Variants in MGAT5 observed in about 807,000 individuals in gnomAD.
The protein encoded by MGAT5 is alpha-1,6-mannosylglycoprotein 6-beta-N-acetylglucosaminyltransferase.
In MGAT5, 30 loss-of-function variants were observed where a neutral mutation model predicts 94.3. The ratio of observed to expected loss-of-function variants is 0.32; its 90% CI spans 0.24 to 0.43. The LOEUF (loss-of-function observed/expected upper bound fraction) is 0.43. MGAT5 is among the 20% of genes least tolerant of loss of function. The pLI, the probability that MGAT5 is intolerant of heterozygous loss-of-function variation, is 1.00. For missense variants in MGAT5, 691 were observed against 905.5 expected (o/e 0.76, Z 3.04); for synonymous variants, 310 against 322.9 (o/e 0.96, Z 0.43).
At chr2:134,191,032 C>T (rs1479566243) in intron 1 of MGAT5, among the ~76,000 whole-genome samples, 1 of 152,228 alleles carries the variant, frequency 6.6e-6, no homozygotes, top group Non-Finnish European at 1.5e-5. Context: ...AGCCCATCCC[C>T]CTGCTTTGGA....
At chr2:134,170,747 A>C (rs549571688) in intron 1 of MGAT5, among the ~76,000 whole-genome samples, 7 of 152,250 alleles carry the variant, frequency 4.6e-5, no homozygotes, top group African/African-American at 1.7e-4. Flanking sequence ...GAAACATACT[A>C]TACATGTCTT....
rs138317940 is a variant in MGAT5 at position 134,216,721 on chromosome 2, T to C, written c.-142-37541T>C. ...TGAAGATGAATTTGGTATCAATTTT[T>C]ATGCTGCTACTTTTGCCATTTCTGC... On this transcript the variant is annotated intron_variant, in intron 1 of 16. Transcript: ENST00000409645. Among the ~76,000 whole-genome samples the C allele has an allele frequency of 7.2e-5, 11 of 152,350 alleles. No individual in the cohort carries two copies. In the East Asian group the frequency reaches 2.1e-3, roughly 29 times the overall value.
chr2:134,139,250 G>T (rs1393308365), intron 1 of MGAT5, among the ~76,000 whole-genome samples: 1 of 152,224 alleles, frequency 6.6e-6, no homozygotes, highest in Non-Finnish European at 1.5e-5. Context: ...AAGAAAGACG[G>T]AGTAAGAGTC....
intron 14 of MGAT5, among the ~76,000 whole-genome samples, chr2:134,431,207 A>T (rs1163537561): frequency 6.6e-6 from 1 of 152,140 alleles, no homozygotes; most frequent in Non-Finnish European, 1.5e-5. Context: ...TCGGCTGAAG[A>T]ATTCCAGTTT....
intron 1 of MGAT5, among the ~76,000 whole-genome samples, chr2:134,127,360 C>T (rs1322672818): frequency 6.6e-6 from 1 of 152,072 alleles, no homozygotes. Context: ...TTAAAGATGA[C>T]ATTGTTATTG....
At chr2:134,384,255 C>T (rs185134391) in intron 10 of MGAT5, among the ~76,000 whole-genome samples, 106 of 149,132 alleles carry the variant, frequency 7.1e-4, no homozygotes, top group Middle Eastern at 3.5e-3. Flanking sequence ...TCCAGATGTA[C>T]GCTGTGCCCA....
At position 134,243,262 on chromosome 2, in the gene MGAT5, A is replaced by G. The variant is rs182476325; in HGVS notation, c.-142-11000A>G. Among the ~76,000 whole-genome samples, 485 of 152,150 alleles carry G rather than the reference A, an allele frequency of 3.2e-3. 4 individuals are homozygous for G. Among genetic ancestry groups the G allele is most frequent in the African/African-American group, 0.011 (466 of 41,506 alleles). ...TTGGGTGTGATAGCTGGGCATCTCTATTTTTTAAAGAGCAGTCCAGGTGAT... is the reference window on the plus strand; with the variant it reads ...TTGGGTGTGATAGCTGGGCATCTCTGTTTTTTAAAGAGCAGTCCAGGTGAT... On this transcript the variant is annotated intron_variant, in intron 1 of 16. Transcript: ENST00000409645.
At chr2:134,412,389 T>G (rs1328400532) in intron 11 of MGAT5, among the ~76,000 whole-genome samples, 1 of 152,194 alleles carries the variant, frequency 6.6e-6, no homozygotes, top group Non-Finnish European at 1.5e-5. Context: ...TGAACTGCAA[T>G]CAAACCTCCA....
intron 1 of MGAT5, among the ~76,000 whole-genome samples, chr2:134,255,915 G>GA (rs886245440): frequency 3.3e-5 from 5 of 152,000 alleles, no homozygotes; most frequent in Non-Finnish European, 7.4e-5. Context: ...TCCAAAAGGG[G>GA]AAAAAAACTT....
intron 1 of MGAT5, among the ~76,000 whole-genome samples, chr2:134,233,233 GA>G (rs1681461194): frequency 6.6e-6 from 1 of 152,158 alleles, no homozygotes; most frequent in African/African-American, 2.4e-5. Flanking sequence ...GTCTACCAGG[GA>G]ATGGCTCTAT....
At chr2:134,328,852 A>G (rs1208973470) in intron 4 of MGAT5, among the ~76,000 whole-genome samples, 1 of 151,986 alleles carries the variant, frequency 6.6e-6, no homozygotes, top group Admixed American at 6.6e-5. Flanking sequence ...AGGCTTCTGT[A>G]AGGAGAAGTT....
chr2:134,129,650 T>C (rs1015456159), intron 1 of MGAT5, among the ~76,000 whole-genome samples: 1 of 152,092 alleles, frequency 6.6e-6, no homozygotes, highest in Non-Finnish European at 1.5e-5. Flanking sequence ...GTTTGAGGTC[T>C]GCTAAGGCCA....
At chr2:134,149,264 T>G (rs1405365417) in intron 1 of MGAT5, among the ~76,000 whole-genome samples, 2 of 152,240 alleles carry the variant, frequency 1.3e-5, no homozygotes, top group Non-Finnish European at 2.9e-5. Context: ...AAAGAAAGCT[T>G]CCTTACAGGG....
intron 10 of MGAT5, among the ~76,000 whole-genome samples, chr2:134,401,758 G>A (rs1175586223): frequency 1.3e-5 from 2 of 152,228 alleles, no homozygotes; most frequent in Non-Finnish European, 2.9e-5. Context: ...TGGCAAGGGT[G>A]GTCTTGCTCA....
intron 10 of MGAT5, among the ~76,000 whole-genome samples, chr2:134,397,262 G>A (rs1682765740): frequency 6.6e-6 from 1 of 152,224 alleles, no homozygotes; most frequent in Admixed American, 6.5e-5. Context: ...CCTCTAGGAA[G>A]CAGGGCCTGA....
chr2:134,347,304 T>G (rs192460602), intron 8 of MGAT5, among the ~76,000 whole-genome samples: 1 of 152,164 alleles, frequency 6.6e-6, no homozygotes, highest in Non-Finnish European at 1.5e-5. Flanking sequence ...TGTCGAATTA[T>G]AAATTTCTGA....
chr2:134,196,433 G>A (rs1679498381), intron 1 of MGAT5, among the ~76,000 whole-genome samples: 1 of 151,672 alleles, frequency 6.6e-6, no homozygotes, highest in South Asian at 2.1e-4. Context: ...ATCCAAGGGA[G>A]CTTTTTAAAA....
rs143930918 is a variant in MGAT5 at position 134,339,524 on chromosome 2, G to GTGCT, written c.807+1106_807+1109dup. Among the ~76,000 whole-genome samples the GTGCT allele has an allele frequency of 3.7e-3, 564 of 152,236 alleles. 22 individuals are homozygous for GTGCT. The East Asian group carries it at 0.095, about 26-fold the overall frequency. On this transcript the variant is annotated intron_variant, in intron 6 of 15. Coordinates refer to ENST00000281923, the MANE Select transcript of MGAT5 (RefSeq NM_002410.5). ...ATGATGGTTGCACAATAATGTGAATGTGCTTCATGCTACTGAACTGTATAC... is the reference window on the plus strand; with the variant it reads ...ATGATGGTTGCACAATAATGTGAATGTGCTTGCTTCATGCTACTGAACTGTATAC...
At chr2:134,440,307 T>G (rs924894206) in intron 14 of MGAT5, among the ~76,000 whole-genome samples, 1 of 152,224 alleles carries the variant, frequency 6.6e-6, no homozygotes, top group Non-Finnish European at 1.5e-5. Context: ...TAATGTCATT[T>G]TGCTATAATG....
Sources: allele counts gnomAD v4.1 joint callset (sites outside exome capture counted in the v4.1 genomes callset), GRCh38; gene constraint gnomAD v4.1.1; transcripts MANE v1.5; gene names NCBI Gene and HGNC (gene_info 2026-07-23, HGNC 2026-07-21).